Variants in NID1 observed in about 807,000 individuals in gnomAD.
NID1 encodes nidogen-1.
A neutral mutation model predicts 130.6 loss-of-function variants in NID1; 76 were observed. That is an observed-to-expected ratio of 0.58 (90% CI 0.48 to 0.70). NID1 has a LOEUF of 0.70. NID1 is among the 30% of genes least tolerant of loss of function. The probability of loss-of-function intolerance (pLI) is 0.00; values close to 1 mark genes in which losing one functional copy is unlikely to be tolerated. For synonymous variants in NID1, 665 were observed against 675.1 expected (o/e 0.98, Z 0.23); for missense variants, 1,517 against 1,664.8 (o/e 0.91, Z 1.54).
At chr1:235,997,199 G>A (rs1190664119) in intron 12 of NID1, among the ~76,000 whole-genome samples, 3 of 152,164 alleles carry the variant, frequency 2.0e-5, no homozygotes, top group Non-Finnish European at 2.9e-5. Context: ...GGGCTCAACT[G>A]ACTTCTCCTG....
chr1:236,025,858 A>G (rs750238865), intron 8 of NID1, 38 bp downstream of exon 8: 2 of 1,597,352 alleles, frequency 1.3e-6, no homozygotes, highest in Middle Eastern at 3.3e-4. Context: ...TTAAAAATGC[A>G]TGAGCACCTG....
At chr1:235,997,026 G>C (rs780593244) in intron 12 of NID1, among the ~76,000 whole-genome samples, 16 of 152,064 alleles carry the variant, frequency 1.1e-4, no homozygotes, top group Non-Finnish European at 1.9e-4. Context: ...TAGAAATGGG[G>C]TTTCACCATG....
At chr1:236,007,318 A>G (rs1332495976) in intron 12 of NID1, among the ~76,000 whole-genome samples, 3 of 152,160 alleles carry the variant, frequency 2.0e-5, no homozygotes, top group Non-Finnish European at 4.4e-5. Flanking sequence ...TGATCCTCTA[A>G]TAAACTCCCC....
At chr1:236,010,409 T>C (rs10754829) in intron 12 of NID1, among the ~76,000 whole-genome samples, 89,773 of 150,368 alleles carry the variant, frequency 0.6, 27,886 homozygotes, top group East Asian at 0.77. Context: ...TCAATCTTCC[T>C]ACCTCAGCCC....
chr1:236,011,306 CTTT>C (rs60420534), intron 12 of NID1, among the ~76,000 whole-genome samples: 1 of 100,110 alleles, frequency 1.0e-5, no homozygotes, highest in Non-Finnish European at 2.5e-5. Context: ...CTTTTTTTTT[CTTT>C]TTTTTTTTTT....
intron 9 of NID1, among the ~76,000 whole-genome samples, chr1:236,018,335 A>T (rs936203541): frequency 1.3e-5 from 2 of 152,212 alleles, no homozygotes; most frequent in African/African-American, 4.8e-5. Context: ...TCTTCTGCAG[A>T]TTACGGAAAA....
chr1:236,029,878 A>G, intron 6 of NID1, 128 bp from the exon 7 acceptor site: 1 of 807,236 alleles, frequency 1.2e-6, no homozygotes, highest in Non-Finnish European at 2.0e-6. Context: ...GCTGTAGAAC[A>G]TAGAACTGGT....
chr1:236,059,818 G>C (rs1359502212), intron 1 of NID1, among the ~76,000 whole-genome samples: 1 of 152,128 alleles, frequency 6.6e-6, no homozygotes, highest in Non-Finnish European at 1.5e-5. Context: ...ATAAAGAACA[G>C]CAGCCGGGCG....
Position 235,977,746 on chromosome 1 carries a change from G to C in NID1, c.*121C>G. The C allele has an allele frequency of 8.8e-7, 1 of 1,138,654 alleles. No individual in the cohort carries two copies. 70.5% of individuals were successfully genotyped at this position (1,138,654 alleles called of 1,614,324 possible). A position where few individuals can be genotyped will look rare whatever the true frequency, so the allele number is the denominator to read the frequency against. On this transcript the variant is annotated 3_prime_UTR_variant, in exon 20 of 20. Transcript: ENST00000264187. ...TGAGGGAAAAGTTGTTGGGGCTCAG[G>C]CTGGGCTGGGTCTGGGCCTAGTGGC...
chr1:235,983,040 A>C (rs1389888504), intron 15 of NID1, among the ~76,000 whole-genome samples: 4 of 152,052 alleles, frequency 2.6e-5, no homozygotes, highest in Non-Finnish European at 5.9e-5. Context: ...ATGCCCGGCT[A>C]ATTTTTGTAT....
At chr1:236,025,832 G>T in intron 8 of NID1, 64 bp downstream of exon 8, 1 of 1,577,000 alleles carries the variant, frequency 6.3e-7, no homozygotes. Context: ...CAAAAACAAT[G>T]TCAAAGAGTG....
rs78514943 is a variant in NID1 at position 236,019,706 on chromosome 1, G to T, written c.2129-2433C>A. Among the ~76,000 whole-genome samples the T allele has an allele frequency of 8.0e-3, 1,223 of 152,240 alleles. 19 individuals are homozygous for T. The highest frequency in any genetic ancestry group is 0.027 in the African/African-American group (1,121 of 41,528). On this transcript the variant is annotated intron_variant, in intron 9 of 19. Coordinates refer to ENST00000264187, the MANE Select transcript of NID1 (RefSeq NM_002508.3). ...GCAATTTCTGAGCTAATAGTCCACG[G>T]TCTTTGCAGTTTGGAAATTCTTCCT...
At position 236,024,176 on chromosome 1, in the gene NID1, G is replaced by A. The variant is rs764949562; in HGVS notation, c.2022C>T (p.Ile674=). 29 of 1,614,150 alleles carry A rather than the reference G, an allele frequency of 1.8e-5. No individual in the cohort carries two copies. The highest frequency in any genetic ancestry group is 1.0e-4 in the Admixed American group (6 of 60,006). The change falls in exon 9 of 20, where the codon ATC becomes ATT. Residue 674 remains isoleucine (I), a synonymous_variant. Transcript: ENST00000264187. ...CGTTGGTGTCACACCCATGAGTGCC[G>A]ATGTAGCAGGGATTCTGAAGAGCAT... The part of the protein sequence containing the change: ...SPDALQNPCY[I]GTHGCDTNAA...
At chr1:236,034,196 G>A (rs1659178109) in intron 5 of NID1, among the ~76,000 whole-genome samples, 1 of 152,078 alleles carries the variant, frequency 6.6e-6, no homozygotes, top group South Asian at 2.1e-4. Flanking sequence ...CAAGGCAGGT[G>A]GATCATCTGA....
intron 1 of NID1, among the ~76,000 whole-genome samples, chr1:236,053,488 G>C (rs1342331634): frequency 1.3e-5 from 2 of 152,118 alleles, no homozygotes; most frequent in African/African-American, 2.4e-5. Flanking sequence ...TCACATGACT[G>C]TCCCTTCTTA....
chr1:235,988,566 G>C (rs1657635541), intron 14 of NID1, among the ~76,000 whole-genome samples: 1 of 152,192 alleles, frequency 6.6e-6, no homozygotes, highest in Non-Finnish European at 1.5e-5. Flanking sequence ...GACTCGAACA[G>C]ATATTTGTAT....
chr1:236,038,019 G>A, intron 5 of NID1, 85 bp downstream of exon 5: 2 of 1,488,634 alleles, frequency 1.3e-6, no homozygotes, highest in South Asian at 2.6e-5. Context: ...GGAGATGTGG[G>A]TAAAGCAACA....
At chr1:236,003,290 C>T (rs1271419994) in intron 12 of NID1, among the ~76,000 whole-genome samples, 1 of 152,180 alleles carries the variant, frequency 6.6e-6, no homozygotes, top group Non-Finnish European at 1.5e-5. Flanking sequence ...AGGGTGGAGA[C>T]GTTTTACTGT....
chr1:236,032,236 T>C (rs1411797834), intron 6 of NID1, among the ~76,000 whole-genome samples, 165 bp downstream of exon 6: 1 of 152,228 alleles, frequency 6.6e-6, no homozygotes, highest in East Asian at 1.9e-4. Flanking sequence ...CCTCATCATC[T>C]TATTTCCAAG....
Sources: gnomAD v4.1 joint callset for allele counts (sites outside exome capture counted in the v4.1 genomes callset) on GRCh38, gnomAD v4.1.1 for gene constraint, MANE v1.5 for transcripts, NCBI Gene and HGNC (gene_info 2026-07-23, HGNC 2026-07-21) for gene names.